Variants in PCDHA6 observed in about 807,000 individuals in gnomAD.
PCDHA6 encodes protocadherin alpha 6, also known as protocadherin alpha-6.
In PCDHA6, 55 loss-of-function variants were observed where a neutral mutation model predicts 60.3. That is an observed-to-expected ratio of 0.91 (90% CI 0.73 to 1.14). PCDHA6 has a LOEUF of 1.14. Ranked by LOEUF, PCDHA6 falls within the 50% of genes most tolerant of loss-of-function variation. The pLI, the probability that PCDHA6 is intolerant of heterozygous loss-of-function variation, is 0.00. For missense variants in PCDHA6, 1,327 were observed against 1,256.5 expected (o/e 1.06, Z -0.85); for synonymous variants, 652 against 557.9 (o/e 1.17, Z -2.38).
At chr5:140,939,521 T>C (rs540311861) in intron 1 of PCDHA6, among the ~76,000 whole-genome samples, 3 of 152,326 alleles carry the variant, frequency 2.0e-5, no homozygotes, top group Non-Finnish European at 2.9e-5. Flanking sequence ...TTAATAGTTA[T>C]AGAATTATAC....
Position 140,946,525 on chromosome 5 carries a change from A to G in PCDHA6, c.2395-32424A>G, listed in dbSNP as rs115610574. On this transcript the variant is annotated intron_variant, in intron 1 of 3. Transcript: ENST00000529310. ...ATGTCAAAGACCTATCCGCACTCCC[A>G]TGTTCATTGCAGCATTATTCATGAT... 6.9e-3 allele frequency among the ~76,000 whole-genome samples: 1,050 copies of G among 151,290 alleles called. 19 individuals carry two copies. The highest frequency in any genetic ancestry group is 0.024 in the African/African-American group (983 of 41,050).
intron 1 of PCDHA6, chr5:140,877,121 C>T (rs782727100): frequency 6.2e-7 from 1 of 1,613,694 alleles, no homozygotes; most frequent in Non-Finnish European, 8.5e-7. Context: ...AGCAACGTGA[C>T]GCTGCAGGTG....
In PCDHA6 at chr5:140,828,311, C is replaced by G. The variant is rs2150153881; in HGVS notation, c.220C>G (p.Leu74Val). 1 of 1,614,174 alleles carries G rather than the reference C, an allele frequency of 6.2e-7. No homozygotes were observed. Among genetic ancestry groups the G allele is most frequent in the Non-Finnish European group, 8.5e-7 (1 of 1,180,040 alleles). ...GATGGCCTCCAAAGACCGCGAGGAC[C>G]TTCTGGAGGTAAATCTGCAGAATGG... ...FRMASKDRED[L>V]LEVNLQNGIL... Residue 74 changes from leucine (L) to valine (V), a missense_variant, in exon 1 of 4, where the codon CTT becomes GTT. Transcript: ENST00000529310.
chr5:140,882,052 C>A (rs2058925535), intron 1 of PCDHA6: 5 of 766,334 alleles, frequency 6.5e-6, no homozygotes, highest in Admixed American at 3.1e-5. Context: ...GTCATACTTA[C>A]ACTTACACGT....
chr5:140,956,189 A>C (rs2095264873), intron 1 of PCDHA6, among the ~76,000 whole-genome samples: 1 of 152,142 alleles, frequency 6.6e-6, no homozygotes, highest in South Asian at 2.1e-4. Context: ...ACTATGCTGA[A>C]TAGGAGTGGT....
At chr5:140,948,679 A>C (rs1318286539) in intron 1 of PCDHA6, among the ~76,000 whole-genome samples, 1 of 151,394 alleles carries the variant, frequency 6.6e-6, no homozygotes, top group Admixed American at 6.6e-5. Context: ...CATCTTTTTC[A>C]TTTTTGATAT....
intron 1 of PCDHA6, chr5:140,849,778 G>C (rs2150449659): frequency 1.9e-6 from 3 of 1,598,508 alleles, no homozygotes; most frequent in Non-Finnish European, 2.6e-6. Context: ...GTTACCGCGC[G>C]GGACGGGGGC....
intron 1 of PCDHA6, chr5:140,847,725 G>A (rs1003517180): frequency 2.0e-5 from 3 of 149,656 alleles, no homozygotes; most frequent in Non-Finnish European, 4.5e-5. Flanking sequence ...CTACAAAAGA[G>A]AAAAATATAT....
At chr5:140,835,889 C>T (rs1774023862) in intron 1 of PCDHA6, 2 of 1,611,938 alleles carry the variant, frequency 1.2e-6, no homozygotes, top group East Asian at 2.2e-5. Context: ...TGGGCGAGCG[C>T]GCGCTGTCGA....
chr5:140,847,838 T>G (rs1182373979), intron 1 of PCDHA6: 1 of 149,830 alleles, frequency 6.7e-6, no homozygotes, highest in African/African-American at 2.4e-5. Flanking sequence ...CTACCTCAGT[T>G]GGTTGCTACT....
intron 1 of PCDHA6, chr5:140,875,764 C>A (rs782377276): frequency 6.2e-7 from 1 of 1,614,196 alleles, no homozygotes; most frequent in Non-Finnish European, 8.5e-7. Flanking sequence ...GCTGTGCGGG[C>A]GGAGCGCGGA....
At chr5:140,869,126 G>C in intron 1 of PCDHA6, 1 of 1,611,852 alleles carries the variant, frequency 6.2e-7, no homozygotes, top group African/African-American at 1.3e-5. Context: ...CAGAGAAGGG[G>C]ATTGGGCACC....
intron 1 of PCDHA6, among the ~76,000 whole-genome samples, chr5:140,898,433 T>G (rs1253149141): frequency 6.6e-5 from 10 of 152,184 alleles, no homozygotes; most frequent in Non-Finnish European, 7.4e-5. Flanking sequence ...CCAGCACCAT[T>G]TATTAAATAG....
intron 1 of PCDHA6, among the ~76,000 whole-genome samples, chr5:140,962,346 TC>T (rs35212677): frequency 6.6e-6 from 1 of 152,108 alleles, no homozygotes; most frequent in Non-Finnish European, 1.5e-5. Flanking sequence ...GAAGTAAAAC[TC>T]CCCCCAATAC....
intron 1 of PCDHA6, among the ~76,000 whole-genome samples, chr5:140,900,706 A>G (rs1279378955): frequency 6.6e-6 from 1 of 152,154 alleles, no homozygotes; most frequent in Admixed American, 6.5e-5. Flanking sequence ...GTTCTTTTGG[A>G]AAGAAAGGAA....
chr5:140,998,893 C>T (rs144409989), intron 3 of PCDHA6, among the ~76,000 whole-genome samples: 1 of 152,306 alleles, frequency 6.6e-6, no homozygotes, highest in African/African-American at 2.4e-5. Flanking sequence ...GAATAAATAA[C>T]AATGCCTCCG....
intron 1 of PCDHA6, chr5:140,875,523 G>A (rs782796444): frequency 6.2e-7 from 1 of 1,613,992 alleles, no homozygotes; most frequent in South Asian, 1.1e-5. Flanking sequence ...TGCTGCTCTC[G>A]CTTCTGCTCC....
At chr5:140,835,823 G>A (rs2150245934) in intron 1 of PCDHA6, 1 of 1,612,580 alleles carries the variant, frequency 6.2e-7, no homozygotes, top group Admixed American at 1.7e-5. Flanking sequence ...TGTCGGCGGG[G>A]GACGCGGACG....
chr5:140,857,161 C>G (rs782653443), intron 1 of PCDHA6: 1 of 1,598,332 alleles, frequency 6.3e-7, no homozygotes, highest in Non-Finnish European at 8.6e-7. Flanking sequence ...TTGCCCTAAT[C>G]AGCGTTTCTG....
Sources: gnomAD v4.1 joint callset for allele counts (sites outside exome capture counted in the v4.1 genomes callset) on GRCh38, gnomAD v4.1.1 for gene constraint, MANE v1.5 for transcripts, NCBI Gene and HGNC (gene_info 2026-07-23, HGNC 2026-07-21) for gene names.